Variants in EIF2A observed in about 807,000 individuals in gnomAD.
The protein encoded by EIF2A is 65 kDa eukaryotic translation initiation factor 2A.
In EIF2A, 62 loss-of-function variants were observed where a neutral mutation model predicts 75.2. The ratio of observed to expected loss-of-function variants is 0.82; its 90% confidence interval spans 0.67 to 1.02. EIF2A has a LOEUF of 1.02. EIF2A is among the 50% of genes least tolerant of loss of function. The pLI, the probability that EIF2A is intolerant of heterozygous loss-of-function variation, is 0.00. For missense variants in EIF2A, 611 were observed against 677.7 expected (o/e 0.90, Z 1.09); for synonymous variants, 207 against 239.0 (o/e 0.87, Z 1.23).
chr3:150,580,367 C>T (rs1725111327), intron 11 of EIF2A, among the ~76,000 whole-genome samples: 1 of 152,056 alleles, frequency 6.6e-6, no homozygotes, highest in Admixed American at 6.6e-5. Flanking sequence ...AACAGTAACT[C>T]ATAAGAAAAT....
rs772460016 is a variant in EIF2A, at chr3:150,572,346, T to C, written c.1200T>C (p.Tyr400=). Residue 400 remains tyrosine (Y), a synonymous_variant, in exon 10 of 14, where the codon TAT becomes TAC. Coordinates refer to ENST00000460851, the MANE Select transcript of EIF2A (RefSeq NM_032025.5). The part of the protein sequence containing the change: ...WHYTGSILHK[Y]DVPSNAELWQ... ...ATACTGGCTCTATCTTGCACAAGTA[T>C]GATGTGCCATCAAATGCAGAATTAT... 1 of 1,614,042 alleles carries C rather than the reference T, an allele frequency of 6.2e-7. No homozygotes were observed.
intron 1 of EIF2A, among the ~76,000 whole-genome samples, chr3:150,551,103 T>C (rs1330184532): frequency 6.6e-6 from 1 of 152,248 alleles, no homozygotes; most frequent in Non-Finnish European, 1.5e-5. Context: ...ATTGATCCTT[T>C]ACATCTCAGT....
At chr3:150,568,942 C>A (rs1435903267) in intron 9 of EIF2A, among the ~76,000 whole-genome samples, 2 of 152,110 alleles carry the variant, frequency 1.3e-5, no homozygotes, top group Non-Finnish European at 2.9e-5. Flanking sequence ...AAGAATGTTA[C>A]CACTTCATCT....
intron 3 of EIF2A, 66 bp downstream of exon 3, chr3:150,558,528 A>G: frequency 1.5e-6 from 2 of 1,305,336 alleles, no homozygotes. Context: ...CATTATTTGA[A>G]TAACAGATAT....
intron 1 of EIF2A, among the ~76,000 whole-genome samples, chr3:150,550,134 G>C (rs953398714): frequency 1.6e-4 from 8 of 50,790 alleles, no homozygotes; most frequent in Non-Finnish European, 3.1e-4. Flanking sequence ...GCGTTTATTT[G>C]TTGTCTTAAA....
intron 12 of EIF2A, 163 bp from the exon 13 acceptor site, chr3:150,583,037 A>G (rs1319601422): frequency 1.1e-5 from 7 of 622,050 alleles, no homozygotes; most frequent in Admixed American, 7.2e-5. Flanking sequence ...ACAATTTTGC[A>G]TTTAACTTTA....
chr3:150,572,316 G>A lies in EIF2A; in HGVS notation c.1170G>A (p.Trp390Ter). ...GGGTTAATAATGGATACAAAATTTG[G>A]CATTATACTGGCTCTATCTTGCACA... ...RLRVNNGYKI[W>*]HYTGSILHKY... The change falls in exon 10 of 14, where the codon TGG becomes TGA. Residue 390 changes from tryptophan (W) to a stop codon, truncating the protein, a stop_gained. Coordinates refer to ENST00000460851, the MANE Select transcript of EIF2A (RefSeq NM_032025.5). LOFTEE classifies it high-confidence loss of function. 6.2e-7 allele frequency: 1 copy of A among 1,613,922 alleles called. No individual in the cohort carries two copies. The highest frequency in any genetic ancestry group is 8.5e-7 in the Non-Finnish European group (1 of 1,179,868).
At chr3:150,552,778 A>G (rs912923772) in intron 2 of EIF2A, 1 of 168,708 alleles carries the variant, frequency 5.9e-6, no homozygotes, top group Non-Finnish European at 1.3e-5. Flanking sequence ...TAGTGAAATC[A>G]TAATGAAAAA....
chr3:150,569,072 T>A (rs565824055), intron 9 of EIF2A, among the ~76,000 whole-genome samples: 194 of 152,338 alleles, frequency 1.3e-3, no homozygotes, highest in African/African-American at 4.6e-3. Context: ...AAAAACTATT[T>A]CCATTGAAGT....
At chr3:150,581,351 T>TC (rs1484076700) in intron 11 of EIF2A, among the ~76,000 whole-genome samples, 1 of 152,160 alleles carries the variant, frequency 6.6e-6, no homozygotes, top group African/African-American at 2.4e-5. Flanking sequence ...AAACCATCTA[T>TC]CTACTGGCAC....
chr3:150,554,948 T>C (rs575417548), intron 2 of EIF2A, among the ~76,000 whole-genome samples: 50 of 150,582 alleles, frequency 3.3e-4, no homozygotes, highest in African/African-American at 8.0e-4. Context: ...CTTTTTTTTT[T>C]CCAGAGTCTT....
chr3:150,563,998 T>C (rs1724027205), intron 5 of EIF2A, among the ~76,000 whole-genome samples: 1 of 152,048 alleles, frequency 6.6e-6, no homozygotes, highest in South Asian at 2.1e-4. Flanking sequence ...TTTGTATTTT[T>C]AGTAGAGATG....
chr3:150,569,412 GCTAA>G (rs924278740), intron 9 of EIF2A, among the ~76,000 whole-genome samples: 2 of 129,922 alleles, frequency 1.5e-5, no homozygotes, highest in Non-Finnish European at 3.3e-5. Flanking sequence ...AAATTTAAAT[GCTAA>G]CTGATTTTTT....
chr3:150,583,275 G>T lies in EIF2A; in HGVS notation c.1692+10G>T. ...GCTAGAAAAAAATCAGGTACTTTCT[G>T]CATTTTTCATTTAGGCTTGTGGTGA... On this transcript the variant is annotated intron_variant, in intron 13 of 13. Coordinates refer to ENST00000460851, the MANE Select transcript of EIF2A (RefSeq NM_032025.5). 6.2e-7 allele frequency: 1 copy of T among 1,611,806 alleles called. No homozygotes were observed. Among genetic ancestry groups the T allele is most frequent in the Non-Finnish European group, 8.5e-7 (1 of 1,179,116 alleles).
rs1559888880 is a variant in EIF2A, at chr3:150,584,204, T to C, written c.*293T>C. The C allele has an allele frequency of 3.8e-6, 1 of 265,826 alleles. No individual in the cohort carries two copies. Among genetic ancestry groups the C allele is most frequent in the East Asian group, 7.0e-5 (1 of 14,250 alleles). 16.5% of individuals were successfully genotyped at this position (265,826 alleles called of 1,614,324 possible). ...TGTCATTTTTTTTTGTAGAGGGTGA[T>C]ATATACCATGTAAATGAACAAAGAC... On this transcript the variant is annotated 3_prime_UTR_variant, in exon 14 of 14. Transcript: ENST00000460851.
chr3:150,558,668 G>A (rs1262025641), intron 3 of EIF2A: 1 of 331,160 alleles, frequency 3.0e-6, no homozygotes, highest in African/African-American at 2.1e-5. Flanking sequence ...TAGTTACTTA[G>A]AATTAAAAAT....
chr3:150,571,047 CAAGAGTGAA>C (rs1724486283), intron 9 of EIF2A, among the ~76,000 whole-genome samples: 1 of 151,758 alleles, frequency 6.6e-6, no homozygotes, highest in African/African-American at 2.4e-5. Context: ...GACCGGGCAA[CAAGAGTGAA>C]ACTCCATCTC....
intron 4 of EIF2A, among the ~76,000 whole-genome samples, chr3:150,563,119 T>G (rs774534996): frequency 5.3e-5 from 8 of 152,204 alleles, no homozygotes; most frequent in Non-Finnish European, 1.2e-4. Context: ...ATACATTATA[T>G]GAACATTTCA....
chr3:150,584,471 C>A lies in EIF2A; in HGVS notation c.*560C>A, dbSNP rs1338830524. On this transcript the variant is annotated 3_prime_UTR_variant, in exon 14 of 14. Coordinates refer to ENST00000460851, the MANE Select transcript of EIF2A (RefSeq NM_032025.5). ...TTAGGTCACTATGATATATACTACT[C>A]CTGTATCCTCAAGTAATGTATCATT... is the stretch of plus-strand genomic sequence containing the variant. Among the ~76,000 whole-genome samples, 1 of 152,160 alleles carries A rather than the reference C, an allele frequency of 6.6e-6. No individual in the cohort carries two copies. Among genetic ancestry groups the A allele is most frequent in the African/African-American group, 2.4e-5 (1 of 41,432 alleles).
Sources: gnomAD v4.1 joint callset for allele counts (sites outside exome capture counted in the v4.1 genomes callset) on GRCh38, gnomAD v4.1.1 for gene constraint, MANE v1.5 for transcripts, NCBI Gene and HGNC (gene_info 2026-07-23, HGNC 2026-07-21) for gene names.